The following UBE2G1 variants were observed in gnomAD, a reference collection of about 807,000 sequenced individuals.
UBE2G1 encodes the protein ubiquitin conjugating enzyme E2 G1.
A neutral mutation model predicts 22.7 loss-of-function variants in UBE2G1; 5 were observed. That is an observed-to-expected ratio of 0.22 (90% CI 0.12 to 0.46). The LOEUF (loss-of-function observed/expected upper bound fraction) is 0.46, where lower values mean the gene tolerates loss of function less well. Ranked by LOEUF, UBE2G1 falls within the 20% of genes least tolerant of loss-of-function variation. The pLI, the probability that UBE2G1 is intolerant of heterozygous loss-of-function variation, is 0.99. For synonymous variants in UBE2G1, 74 were observed against 67.5 expected (o/e 1.10, Z -0.47); for missense variants, 88 against 203.9 (o/e 0.43, Z 3.46).
chr17:4,318,783 AGTG>A (rs1969404826), intron 1 of UBE2G1, among the ~76,000 whole-genome samples: 2 of 152,224 alleles, frequency 1.3e-5, no homozygotes, highest in Non-Finnish European at 2.9e-5. Flanking sequence ...CTCAGGCTGC[AGTG>A]AGTCGTAAGC....
At chr17:4,352,827 C>A (rs1969859439) in intron 1 of UBE2G1, among the ~76,000 whole-genome samples, 1 of 152,136 alleles carries the variant, frequency 6.6e-6, no homozygotes, top group Non-Finnish European at 1.5e-5. Flanking sequence ...GTAATCCCAG[C>A]ACTTTGGGAG....
At chr17:4,325,296 G>A (rs1039257649) in intron 1 of UBE2G1, among the ~76,000 whole-genome samples, 5 of 152,150 alleles carry the variant, frequency 3.3e-5, no homozygotes, top group Non-Finnish European at 5.9e-5. Flanking sequence ...GTGATGACGT[G>A]TCAATGTAGT....
intron 4 of UBE2G1, among the ~76,000 whole-genome samples, chr17:4,286,509 C>T (rs1318366957): frequency 1.3e-5 from 2 of 151,176 alleles, no homozygotes; most frequent in African/African-American, 4.9e-5. Context: ...CAGTGGGATT[C>T]AAGAAAAAAA....
chr17:4,361,677 G>T (rs914499275), intron 1 of UBE2G1, among the ~76,000 whole-genome samples: 18 of 152,206 alleles, frequency 1.2e-4, no homozygotes, highest in Admixed American at 1.1e-3. Flanking sequence ...GATGGCTCAT[G>T]CCTGTAATTC....
intron 1 of UBE2G1, among the ~76,000 whole-genome samples, chr17:4,348,445 T>C (rs1032709684): frequency 2.7e-5 from 4 of 147,172 alleles, no homozygotes; most frequent in South Asian, 2.1e-4. Context: ...CCCAGCTACT[T>C]GGGAGGCTGA....
intron 1 of UBE2G1, among the ~76,000 whole-genome samples, chr17:4,353,438 G>A (rs932110435): frequency 2.0e-5 from 3 of 146,552 alleles, no homozygotes; most frequent in African/African-American, 7.9e-5. Flanking sequence ...TATATATATA[G>A]AGTTTCGTTG....
intron 2 of UBE2G1, among the ~76,000 whole-genome samples, chr17:4,298,793 G>A (rs746586404): frequency 6.6e-6 from 1 of 152,146 alleles, no homozygotes; most frequent in African/African-American, 2.4e-5. Context: ...CAAAACAAGC[G>A]CTTTAAAAGA....
At chr17:4,288,461 C>T (rs1598181269) in intron 4 of UBE2G1, among the ~76,000 whole-genome samples, 1 of 152,044 alleles carries the variant, frequency 6.6e-6, no homozygotes, top group Admixed American at 6.6e-5. Flanking sequence ...CTCCTGACCT[C>T]GTGATCCACC....
chr17:4,362,153 T>C (rs1969976271), intron 1 of UBE2G1, among the ~76,000 whole-genome samples: 2 of 152,162 alleles, frequency 1.3e-5, no homozygotes, highest in Non-Finnish European at 2.9e-5. Context: ...GTGTTTAACA[T>C]AAGGCACTGC....
At position 4,275,338 on chromosome 17, in the gene UBE2G1, A is replaced by G. The variant is rs79262764; in HGVS notation, c.*38-2822T>C. ...TGAATTAACCAGCACAACACTGCAA[A>G]TAAATGGTGCTGACTTGCAACAGTC... is the stretch of plus-strand genomic sequence containing the variant. On this transcript the variant is annotated intron_variant, in intron 5 of 5. Transcript: ENST00000396981. 7.3e-3 allele frequency among the ~76,000 whole-genome samples: 1,115 copies of G among 152,346 alleles called. 16 individuals carry two copies. The highest frequency in any genetic ancestry group is 0.026 in the African/African-American group (1,061 of 41,560).
intron 4 of UBE2G1, among the ~76,000 whole-genome samples, chr17:4,287,970 A>G (rs894697327): frequency 1.3e-5 from 2 of 152,212 alleles, no homozygotes; most frequent in Admixed American, 6.5e-5. Flanking sequence ...CATAAACAAT[A>G]ATAGTACTAC....
At position 4,271,276 on chromosome 17, in the gene UBE2G1, A is replaced by T. The variant is rs1288869689; in HGVS notation, c.*1278T>A. On this transcript the variant is annotated 3_prime_UTR_variant, in exon 6 of 6. Transcript: ENST00000396981. Reference sequence around the variant, plus strand: ...CTTTTAGATTCACAGAAGAATCTAGATAGAACCAAATACATATACTGCCAT... The same window carrying T: ...CTTTTAGATTCACAGAAGAATCTAGTTAGAACCAAATACATATACTGCCAT... 6.5e-6 allele frequency: 1 copy of T among 152,682 alleles called. No homozygotes were observed. Among genetic ancestry groups the T allele is most frequent in the African/African-American group, 2.4e-5 (1 of 41,466 alleles). The allele number at this position is 152,682 out of a possible 1,614,324, so 9.5% of individuals were successfully genotyped here. A position where few individuals can be genotyped will look rare whatever the true frequency, so the allele number is the denominator to read the frequency against.
At chr17:4,343,602 T>C (rs2143802061) in intron 1 of UBE2G1, among the ~76,000 whole-genome samples, 1 of 152,264 alleles carries the variant, frequency 6.6e-6, no homozygotes, top group Non-Finnish European at 1.5e-5. Flanking sequence ...TTTCTTTTTT[T>C]TTTTGAGACG....
intron 1 of UBE2G1, among the ~76,000 whole-genome samples, chr17:4,356,919 C>T (rs993804300): frequency 1.3e-5 from 2 of 152,092 alleles, no homozygotes; most frequent in Admixed American, 1.3e-4. Context: ...AATACAGTCC[C>T]ATAGGACAAG....
chr17:4,364,920 G>A (rs902186850), intron 1 of UBE2G1, among the ~76,000 whole-genome samples: 2 of 152,178 alleles, frequency 1.3e-5, no homozygotes, highest in African/African-American at 4.8e-5. Flanking sequence ...TGAGTATCCT[G>A]TAGTATCATT....
intron 3 of UBE2G1, among the ~76,000 whole-genome samples, chr17:4,292,227 G>A (rs779834112): frequency 4.8e-4 from 73 of 150,948 alleles, no homozygotes; most frequent in Non-Finnish European, 8.7e-4. Context: ...TCGGGAGGCT[G>A]AGGCAGGTGA....
chr17:4,340,790 T>C (rs995155065), intron 1 of UBE2G1, among the ~76,000 whole-genome samples: 1 of 150,554 alleles, frequency 6.6e-6, no homozygotes, highest in Admixed American at 6.7e-5. Flanking sequence ...TTTTCTTAAA[T>C]AGAGATGGGG....
At chr17:4,337,334 GA>G (rs1239758155) in intron 1 of UBE2G1, among the ~76,000 whole-genome samples, 1 of 104,068 alleles carries the variant, frequency 9.6e-6, no homozygotes, top group Non-Finnish European at 1.9e-5. Flanking sequence ...AAAAAAAAAA[GA>G]AAAGAAAAGA....
intron 4 of UBE2G1, among the ~76,000 whole-genome samples, chr17:4,288,172 A>AT (rs1968991554): frequency 6.6e-6 from 1 of 152,124 alleles, no homozygotes; most frequent in Non-Finnish European, 1.5e-5. Context: ...TAACTAATAC[A>AT]TTTTTTTCTA....
Sources: allele counts gnomAD v4.1 joint callset (sites outside exome capture counted in the v4.1 genomes callset), GRCh38; gene constraint gnomAD v4.1.1; transcripts MANE v1.5; gene names NCBI Gene and HGNC (gene_info 2026-07-23, HGNC 2026-07-21).